Variants in ADSS1 observed in about 807,000 individuals in gnomAD.
ADSS1 encodes the protein adenylosuccinate synthetase isozyme 1.
A neutral mutation model predicts 59.1 loss-of-function variants in ADSS1; 57 were observed. The observed-to-expected ratio is 0.97, with a 90% CI of 0.78 to 1.20. The LOEUF (loss-of-function observed/expected upper bound fraction) is 1.20. Ranked by LOEUF, ADSS1 falls within the 50% of genes most tolerant of loss-of-function variation. The pLI, the probability that ADSS1 is intolerant of heterozygous loss-of-function variation, is 0.00. For missense variants in ADSS1, 603 were observed against 610.3 expected (o/e 0.99, Z 0.13); for synonymous variants, 247 against 249.4 (o/e 0.99, Z 0.09).
chr14:104,744,929 C>A lies in ADSS1; in HGVS notation c.1171+20C>A. On this transcript the variant is annotated intron_variant, in intron 11 of 12. Transcript: ENST00000330877. Reference sequence around the variant, plus strand: ...TCCCAGGTATGTGAAGTGGGGCAACCGTTCTGCCTGTTGGGCCGTTTCATG... The same window carrying A: ...TCCCAGGTATGTGAAGTGGGGCAACAGTTCTGCCTGTTGGGCCGTTTCATG... 3 of 1,609,900 alleles carry A rather than the reference C, an allele frequency of 1.9e-6. No individual in the cohort carries two copies. The highest frequency in any genetic ancestry group is 2.5e-6 in the Non-Finnish European group (3 of 1,176,476).
rs181523825 is a variant in ADSS1, at chr14:104,734,352, T to C, written c.193-668T>C. ...CCTGGAGAGGGTCCCTAGCTTATCC[T>C]CTAGCTTCCACTGGCACAAGAGGCC... On this transcript the variant is annotated intron_variant, in intron 1 of 12. Transcript: ENST00000330877. Among the ~76,000 whole-genome samples, 50 of 152,326 alleles carry C rather than the reference T, an allele frequency of 3.3e-4. No homozygotes were observed. In the Middle Eastern group the frequency reaches 0.014, roughly 41 times the overall value.
intron 1 of ADSS1, 120 bp downstream of exon 1, chr14:104,724,582 C>G: frequency 8.2e-7 from 1 of 1,215,514 alleles, no homozygotes; most frequent in Non-Finnish European, 1.0e-6. Flanking sequence ...TGCCTTCCTT[C>G]CGGGAGCACC....
At chr14:104,734,391 AG>A (rs1306265850) in intron 1 of ADSS1, among the ~76,000 whole-genome samples, 2 of 152,148 alleles carry the variant, frequency 1.3e-5, no homozygotes, top group African/African-American at 4.8e-5. Flanking sequence ...GGGGAAGCGA[AG>A]GCAGTGGCAT....
rs549972599 is a variant in ADSS1, at chr14:104,729,906, G to T, written c.193-5114G>T. 7.2e-6 allele frequency: 11 copies of T among 1,533,880 alleles called. 2 individuals are homozygous for T. In the South Asian group the frequency reaches 1.3e-4, roughly 18 times the overall value. ...CGTGGCGTCGGCATGGTGGGGAGGA[G>T]CTGTGGGGTGGCAACCCAGAGGCAA... On this transcript the variant is annotated intron_variant, in intron 1 of 12. Coordinates refer to ENST00000330877, the MANE Select transcript of ADSS1 (RefSeq NM_152328.5).
chr14:104,735,776 C>T (rs1220475393), intron 2 of ADSS1, among the ~76,000 whole-genome samples: 2 of 152,140 alleles, frequency 1.3e-5, no homozygotes, highest in Non-Finnish European at 2.9e-5. Context: ...CCCAGGGTTC[C>T]GTGGCTCTTT....
chr14:104,725,428 C>T (rs1291179916), intron 1 of ADSS1, among the ~76,000 whole-genome samples: 2 of 152,208 alleles, frequency 1.3e-5, no homozygotes, highest in Non-Finnish European at 2.9e-5. Context: ...CGTCCCTTCT[C>T]CGGGTTCTGT....
intron 1 of ADSS1, 118 bp downstream of exon 1, chr14:104,724,580 T>A: frequency 8.2e-7 from 1 of 1,214,356 alleles, no homozygotes; most frequent in Non-Finnish European, 1.0e-6. Flanking sequence ...GATGCCTTCC[T>A]TCCGGGAGCA....
rs556211674 is a variant in ADSS1, at chr14:104,729,422, G to A, written c.192+4960G>A. On this transcript the variant is annotated intron_variant, in intron 1 of 12. Transcript: ENST00000330877. ...CGCCATCTGGGCAGTGTGGAGGTGAGGAGCAAGGACAAAGCCTGTGTGTGG... is the reference window on the plus strand; with the variant it reads ...CGCCATCTGGGCAGTGTGGAGGTGAAGAGCAAGGACAAAGCCTGTGTGTGG... Among the ~76,000 whole-genome samples, 312 of 152,312 alleles carry A rather than the reference G, an allele frequency of 2.0e-3. 4 individuals carry two copies. Among genetic ancestry groups the A allele is most frequent in the African/African-American group, 7.1e-3 (294 of 41,570 alleles).
At chr14:104,726,077 C>T (rs1890711172) in intron 1 of ADSS1, among the ~76,000 whole-genome samples, 1 of 152,230 alleles carries the variant, frequency 6.6e-6, no homozygotes, top group East Asian at 1.9e-4. Context: ...CTCCGGCCAC[C>T]AGGCTGCCCC....
chr14:104,740,667 C>T lies in ADSS1; in HGVS notation c.543C>T (p.Arg181=). 1.9e-6 allele frequency: 3 copies of T among 1,614,078 alleles called. No individual in the cohort carries two copies. Among genetic ancestry groups the T allele is most frequent in the Non-Finnish European group, 2.5e-6 (3 of 1,180,034 alleles). Residue 181 remains arginine, a synonymous_variant, in exon 6 of 13, where the codon CGC becomes CGT. Coordinates refer to ENST00000330877, the MANE Select transcript of ADSS1 (RefSeq NM_152328.5). This position sits in a 1 kb window ranked among gnomAD's most constrained non-coding sequence, Gnocchi z 4.8. ...YSSKAARTGL[R]ICDLLSDFDE... ...CCAAAGCTGCCCGGACAGGCCTCCG[C>T]ATCTGCGACCTCCTGTCAGATTTTG...
intron 1 of ADSS1, among the ~76,000 whole-genome samples, chr14:104,727,134 C>T (rs1191168949): frequency 1.3e-5 from 2 of 152,178 alleles, no homozygotes; most frequent in East Asian, 1.9e-4. Flanking sequence ...CCCAAAGCCC[C>T]GCACGGCTCG....
In ADSS1 at chr14:104,724,260, G is replaced by C; in HGVS notation, c.-11G>C. The C allele has an allele frequency of 2.4e-6, 3 of 1,226,890 alleles. No homozygotes were observed. The highest frequency in any genetic ancestry group is 3.2e-5 in the East Asian group (1 of 31,168). 76.0% of individuals were successfully genotyped at this position (1,226,890 alleles called of 1,614,324 possible). On this transcript the variant is annotated 5_prime_UTR_variant, in exon 1 of 13. Coordinates refer to ENST00000330877, the MANE Select transcript of ADSS1 (RefSeq NM_152328.5). ...CTGGCCGGGCCAGCGCAGCGGAAGA[G>C]CCAAGCCAGCATGTCGGGGACCCGA...
chr14:104,743,279 G>A (rs879113708), intron 10 of ADSS1, 88 bp downstream of exon 10: 1 of 1,550,628 alleles, frequency 6.4e-7, no homozygotes, highest in African/African-American at 1.3e-5. Flanking sequence ...CAGGGGCTGA[G>A]GGCCACCAAG....
intron 11 of ADSS1, chr14:104,745,156 C>A: frequency 2.1e-6 from 1 of 467,376 alleles, no homozygotes; most frequent in Non-Finnish European, 3.9e-6. Flanking sequence ...GGGAATGGCT[C>A]AGGGGGACAG....
Position 104,724,453 on chromosome 14 carries a change from C to A in ADSS1, c.183C>A (p.Ser61Arg). The stretch of plus-strand genomic sequence containing the variant: ...TGGCCACGGACGCCGACATCATCAG[C>A]CGCTGCCAGGTGCGGGCTGGGGCGC... ...DLLATDADII[S>R]RCQGGNNAGH... is the part of the protein sequence containing the mutation. The change falls in exon 1 of 13, where the codon AGC (serine) becomes AGA (arginine). Residue 61 changes from serine (S) to arginine (R), a missense_variant. Coordinates refer to ENST00000330877, the MANE Select transcript of ADSS1 (RefSeq NM_152328.5). 1 of 1,252,042 alleles carries A rather than the reference C, an allele frequency of 8.0e-7. No homozygotes were observed. Among genetic ancestry groups the A allele is most frequent in the Non-Finnish European group, 1.0e-6 (1 of 994,118 alleles). 77.6% of individuals were successfully genotyped at this position (1,252,042 alleles called of 1,614,324 possible). A position where few individuals can be genotyped will look rare whatever the true frequency, so the allele number is the denominator to read the frequency against.
At position 104,744,898 on chromosome 14, in the gene ADSS1, C is replaced by G. The variant is rs748613103; in HGVS notation, c.1160C>G (p.Pro387Arg). 1.2e-6 allele frequency: 2 copies of G among 1,614,000 alleles called. No individual in the cohort carries two copies. Among genetic ancestry groups the G allele is most frequent in the Non-Finnish European group, 1.7e-6 (2 of 1,179,962 alleles). The change falls in exon 11 of 13, where the codon CCC (proline) becomes CGC (arginine). Residue 387 changes from proline to arginine, a missense_variant. Transcript: ENST00000330877. ...VSYKLNGKRI[P>R]YFPANQEMLQ... ...TACAAGCTGAACGGGAAAAGGATTC[C>G]CTATTTCCCAGGTATGTGAAGTGGG...
At chr14:104,733,825 C>A (rs1566796543) in intron 1 of ADSS1, among the ~76,000 whole-genome samples, 1 of 152,128 alleles carries the variant, frequency 6.6e-6, no homozygotes, top group Non-Finnish European at 1.5e-5. Flanking sequence ...TGTGGCCCCC[C>A]GCAACCCCAC....
Position 104,732,978 on chromosome 14 carries a change from CG to C in ADSS1, c.193-2041del, listed in dbSNP as rs1890985852. On this transcript the variant is annotated intron_variant, in intron 1 of 12. Coordinates refer to ENST00000330877, the MANE Select transcript of ADSS1 (RefSeq NM_152328.5). ...AGTCACGCCAGGGCCTGCCCCGTCC[CG>C]ATGGACTGAACCTGTGCGCCCAGGG... Among the ~76,000 whole-genome samples, 4 of 152,148 alleles carry C rather than the reference CG, an allele frequency of 2.6e-5. No homozygotes were observed. In the South Asian group the frequency reaches 8.3e-4, roughly 32 times the overall value.
chr14:104,741,513 A>G (rs1156407093), intron 8 of ADSS1, among the ~76,000 whole-genome samples: 4 of 152,146 alleles, frequency 2.6e-5, no homozygotes, highest in Admixed American at 2.6e-4. Context: ...GGTGGGTCAG[A>G]GCCAGCCCTT....
Sources: gnomAD v4.1 joint callset for allele counts (sites outside exome capture counted in the v4.1 genomes callset) on GRCh38, gnomAD v4.1.1 for gene constraint, Gnocchi (gnomAD v3.1) non-coding constraint, MANE v1.5 for transcripts, NCBI Gene and HGNC (gene_info 2026-07-23, HGNC 2026-07-21) for gene names.